Variants in IQGAP2 observed in about 807,000 individuals in gnomAD.
IQGAP2 encodes the protein IQ motif containing GTPase activating protein 2.
Under a neutral mutation model 201.3 loss-of-function variants are expected in IQGAP2, and 173 were observed. That is an observed-to-expected ratio of 0.86 (90% CI 0.76 to 0.98). IQGAP2 has a LOEUF of 0.98. IQGAP2 is among the 50% of genes least tolerant of loss of function. IQGAP2 has a pLI of 0.00. For synonymous variants in IQGAP2, 675 were observed against 673.9 expected, an observed-to-expected ratio of 1.00 and a Z score of -0.03; for missense variants, 1,687 against 1,864.8, an observed-to-expected ratio of 0.90 and a Z score of 1.76.
chr5:76,654,092 A>G (rs974078890), intron 18 of IQGAP2, 108 bp from the exon 19 acceptor site: 5 of 677,540 alleles, frequency 7.4e-6, no homozygotes, highest in Non-Finnish European at 1.2e-5. Flanking sequence ...ATCAAGTATC[A>G]TTGTTTTTAG....
chr5:76,412,836 C>T (rs1235464122), intron 1 of IQGAP2, among the ~76,000 whole-genome samples: 2 of 152,192 alleles, frequency 1.3e-5, no homozygotes, highest in Non-Finnish European at 2.9e-5. Flanking sequence ...CCTGTGGAAC[C>T]TGGCAAGTTG....
At chr5:76,693,990 GGTT>G (rs1746503293) in intron 31 of IQGAP2, 1 of 152,114 alleles carries the variant, frequency 6.6e-6, no homozygotes, top group Non-Finnish European at 1.5e-5. Flanking sequence ...ATAAATTCAA[GGTT>G]GTTATTTTAG....
At chr5:76,478,578 G>T (rs574655891) in intron 2 of IQGAP2, among the ~76,000 whole-genome samples, 15 of 152,260 alleles carry the variant, frequency 9.9e-5, no homozygotes, top group African/African-American at 3.4e-4. Context: ...CGTGAGCCAG[G>T]CGTGGTTGTG....
intron 2 of IQGAP2, among the ~76,000 whole-genome samples, chr5:76,494,503 C>T (rs929006583): frequency 1.3e-5 from 2 of 152,116 alleles, no homozygotes; most frequent in African/African-American, 4.8e-5. Context: ...TTCAGATACC[C>T]CCACAATTGT....
At chr5:76,529,571 T>C (rs1267319383) in intron 2 of IQGAP2, among the ~76,000 whole-genome samples, 1 of 151,372 alleles carries the variant, frequency 6.6e-6, no homozygotes, top group Non-Finnish European at 1.5e-5. Flanking sequence ...AAGGCTGCAG[T>C]GAGCCGAGAT....
chr5:76,658,695 T>C lies in IQGAP2; in HGVS notation c.2529+28T>C, dbSNP rs756264225. The C allele has an allele frequency of 4.4e-6, 7 of 1,595,174 alleles. No homozygotes were observed. In the African/African-American group the frequency reaches 8.1e-5, roughly 18 times the overall value. ...CAGTGGGGTTTTTGGGACTGTCAGC[T>C]CCCAGAAGAGGGAAGACGCCTACAT... On this transcript the variant is annotated intron_variant, in intron 21 of 35. Coordinates refer to ENST00000274364, the MANE Select transcript of IQGAP2 (RefSeq NM_006633.5).
At chr5:76,537,502 T>C (rs1468631505) in intron 2 of IQGAP2, among the ~76,000 whole-genome samples, 1 of 151,830 alleles carries the variant, frequency 6.6e-6, no homozygotes, top group African/African-American at 2.4e-5. Context: ...TTTTTTTTTT[T>C]CAATAGTGCT....
At chr5:76,618,533 G>A in intron 13 of IQGAP2, 1 of 1,614,160 alleles carries the variant, frequency 6.2e-7, no homozygotes, top group Non-Finnish European at 8.5e-7. Context: ...CTCCTGTCCA[G>A]CCTTCCAAGG....
intron 18 of IQGAP2, among the ~76,000 whole-genome samples, chr5:76,653,271 G>A (rs1440382033): frequency 3.9e-5 from 6 of 152,170 alleles, no homozygotes; most frequent in African/African-American, 1.4e-4. Flanking sequence ...AGCTGAATTA[G>A]TCGAACCCAG....
intron 2 of IQGAP2, among the ~76,000 whole-genome samples, chr5:76,556,236 T>C (rs1048300621): frequency 6.6e-6 from 1 of 152,156 alleles, no homozygotes; most frequent in African/African-American, 2.4e-5. Flanking sequence ...GACATTTACA[T>C]AGTGCGGGGA....
At chr5:76,673,332 T>C in intron 24 of IQGAP2, 117 bp from the exon 25 acceptor site, 1 of 990,464 alleles carries the variant, frequency 1.0e-6, no homozygotes, top group Admixed American at 2.8e-5. Flanking sequence ...ATTTTGTTAC[T>C]GGAGTCAGTG....
intron 2 of IQGAP2, among the ~76,000 whole-genome samples, chr5:76,487,386 C>T (rs1580299916): frequency 6.6e-6 from 1 of 152,070 alleles, no homozygotes; most frequent in East Asian, 1.9e-4. Context: ...CGTGAGCCAC[C>T]GCGTCTATTG....
At chr5:76,561,106 T>A (rs1489100660) in intron 2 of IQGAP2, among the ~76,000 whole-genome samples, 3 of 152,186 alleles carry the variant, frequency 2.0e-5, no homozygotes, top group Non-Finnish European at 4.4e-5. Flanking sequence ...AGCATGAGAT[T>A]TCATCACACT....
At chr5:76,426,089 G>C (rs1483480858) in intron 1 of IQGAP2, among the ~76,000 whole-genome samples, 1 of 152,138 alleles carries the variant, frequency 6.6e-6, no homozygotes, top group Non-Finnish European at 1.5e-5. Context: ...CATTTTCAGT[G>C]AGCAGAATTG....
At chr5:76,497,405 A>T (rs889576985) in intron 2 of IQGAP2, among the ~76,000 whole-genome samples, 4 of 152,198 alleles carry the variant, frequency 2.6e-5, no homozygotes, top group East Asian at 1.9e-4. Flanking sequence ...AGGTGATTTT[A>T]AAAAAATCTT....
At chr5:76,442,710 G>A (rs997181732) in intron 1 of IQGAP2, among the ~76,000 whole-genome samples, 1 of 152,144 alleles carries the variant, frequency 6.6e-6, no homozygotes, top group Admixed American at 6.6e-5. Context: ...TAACAGGCTG[G>A]GCACAGTGGT....
intron 17 of IQGAP2, among the ~76,000 whole-genome samples, chr5:76,642,238 C>G (rs1751643259): frequency 6.6e-6 from 1 of 152,032 alleles, no homozygotes; most frequent in Admixed American, 6.6e-5. Context: ...AAAATTGGGA[C>G]CCCACACTCT....
chr5:76,595,243 CTTTTTTTTTTTTT>C (rs1180358517), intron 9 of IQGAP2, among the ~76,000 whole-genome samples: 18 of 35,304 alleles, frequency 5.1e-4, no homozygotes, highest in Admixed American at 4.6e-3. Context: ...CATTTCTTTG[CTTTTTTTTTTTTT>C]TTTTTTTTTT....
At position 76,530,365 on chromosome 5, in the gene IQGAP2, T is replaced by A. The variant is rs74559257; in HGVS notation, c.147-32031T>A. ...AGTACAAAATACAGGCTGCTATATG[T>A]TTGCAATAGTGTGAAAAGAAAGTTT... On this transcript the variant is annotated intron_variant, in intron 2 of 35. Transcript: ENST00000274364. Among the ~76,000 whole-genome samples the A allele has an allele frequency of 3.9e-3, 587 of 152,302 alleles. 4 individuals carry two copies. Among genetic ancestry groups the A allele is most frequent in the Non-Finnish European group, 6.2e-3 (419 of 68,020 alleles).
Sources: gnomAD v4.1 joint callset for allele counts (sites outside exome capture counted in the v4.1 genomes callset) on GRCh38, gnomAD v4.1.1 for gene constraint, MANE v1.5 for transcripts, NCBI Gene and HGNC (gene_info 2026-07-23, HGNC 2026-07-21) for gene names.